The following PPP3CA variants were observed in gnomAD, a reference collection of about 807,000 sequenced individuals.
PPP3CA encodes protein phosphatase 3 catalytic subunit alpha.
A neutral mutation model predicts 66.5 loss-of-function variants in PPP3CA; 14 were observed. The ratio of observed to expected loss-of-function variants is 0.21; its 90% confidence interval spans 0.14 to 0.33. PPP3CA has a LOEUF of 0.33. Ranked by LOEUF, PPP3CA falls within the 10% of genes least tolerant of loss-of-function variation. The pLI, the probability that PPP3CA is intolerant of heterozygous loss-of-function variation, is 1.00. For missense variants in PPP3CA, 317 were observed against 639.5 expected, an observed-to-expected ratio of 0.50 and a Z score of 5.44; for synonymous variants, 232 against 226.2, an observed-to-expected ratio of 1.03 and a Z score of -0.23.
chr4:101,282,691 G>T (rs531476762), intron 1 of PPP3CA, among the ~76,000 whole-genome samples: 1 of 152,288 alleles, frequency 6.6e-6, no homozygotes, highest in African/African-American at 2.4e-5. Flanking sequence ...GCATGTGGCT[G>T]CTTAAACACC....
chr4:101,195,267 CA>C (rs11326830), intron 2 of PPP3CA, among the ~76,000 whole-genome samples: 58,174 of 127,898 alleles, frequency 0.45, 13,711 homozygotes, highest in Middle Eastern at 0.63. Flanking sequence ...AACTTCATCT[CA>C]AAAAAAAAAA....
intron 2 of PPP3CA, among the ~76,000 whole-genome samples, chr4:101,170,799 A>C (rs1258388580): frequency 6.6e-6 from 1 of 152,120 alleles, no homozygotes; most frequent in Non-Finnish European, 1.5e-5. Flanking sequence ...CAAATATCTT[A>C]AGCTTTCAAA....
chr4:101,203,383 T>C (rs1409599182), intron 1 of PPP3CA, among the ~76,000 whole-genome samples: 1 of 151,992 alleles, frequency 6.6e-6, no homozygotes, highest in Non-Finnish European at 1.5e-5. Context: ...CAGTCCCAGC[T>C]ACTCAGGAGG....
At chr4:101,046,100 G>T (rs1001948964) in intron 10 of PPP3CA, among the ~76,000 whole-genome samples, 70 of 152,090 alleles carry the variant, frequency 4.6e-4, no homozygotes, top group Non-Finnish European at 1.2e-4. Flanking sequence ...TGCTGAAAAA[G>T]GCAATGAAGA....
intron 1 of PPP3CA, among the ~76,000 whole-genome samples, chr4:101,275,005 A>G (rs1727445008): frequency 6.6e-6 from 1 of 152,222 alleles, no homozygotes; most frequent in Non-Finnish European, 1.5e-5. Context: ...AAGTTCAAAA[A>G]TGAAACTGAA....
chr4:101,315,854 C>G (rs572556651), intron 1 of PPP3CA, among the ~76,000 whole-genome samples: 2 of 152,166 alleles, frequency 1.3e-5, no homozygotes, highest in Non-Finnish European at 2.9e-5. Context: ...CTTCCTCACC[C>G]CCTTTTCTGC....
At chr4:101,240,413 T>C (rs1726267805) in intron 1 of PPP3CA, among the ~76,000 whole-genome samples, 1 of 152,098 alleles carries the variant, frequency 6.6e-6, no homozygotes, top group Non-Finnish European at 1.5e-5. Context: ...AGTGAGCTGC[T>C]AGAGTAATCA....
intron 1 of PPP3CA, among the ~76,000 whole-genome samples, chr4:101,310,106 G>A (rs369113875): frequency 6.6e-6 from 1 of 152,142 alleles, no homozygotes; most frequent in African/African-American, 2.4e-5. Context: ...TGATTGTTGT[G>A]TTTGTTAGTA....
chr4:101,278,529 T>G (rs1294328492), intron 1 of PPP3CA, among the ~76,000 whole-genome samples: 2 of 152,226 alleles, frequency 1.3e-5, no homozygotes, highest in Non-Finnish European at 2.9e-5. Context: ...CTGAGACTCT[T>G]GCTCTGCTAT....
chr4:101,303,099 T>C (rs1193414353), intron 1 of PPP3CA, among the ~76,000 whole-genome samples: 1 of 152,200 alleles, frequency 6.6e-6, no homozygotes, highest in Non-Finnish European at 1.5e-5. Context: ...TACGTCAAAA[T>C]GCGAGGGAAA....
chr4:101,300,084 C>G (rs928238056), intron 1 of PPP3CA, among the ~76,000 whole-genome samples: 1 of 152,164 alleles, frequency 6.6e-6, no homozygotes, highest in Admixed American at 6.5e-5. Flanking sequence ...AGTAAATAAG[C>G]AGATAACAGA....
At chr4:101,278,076 T>A (rs1235849596) in intron 1 of PPP3CA, among the ~76,000 whole-genome samples, 1 of 144,132 alleles carries the variant, frequency 6.9e-6, no homozygotes, top group Non-Finnish European at 1.5e-5. Flanking sequence ...GGCCACTTCT[T>A]AATTCTGGCA....
rs778273785 is a variant in PPP3CA, at chr4:101,099,699, C to T, written c.408G>A (p.Leu136=). 3 of 1,583,374 alleles carry T rather than the reference C, an allele frequency of 1.9e-6. No individual in the cohort carries two copies. The highest frequency in any genetic ancestry group is 2.6e-6 in the Non-Finnish European group (3 of 1,163,166). Residue 136 remains leucine, a synonymous_variant, in exon 4 of 14, where the codon TTG becomes TTA. Coordinates refer to ENST00000394854, the MANE Select transcript of PPP3CA (RefSeq NM_000944.5). Reference sequence around the variant, plus strand: ...ACAGTGTTTTGGGGTAGAGAATTTTCAAGGCCCACAAATACAGCACACACT... The same window carrying T: ...ACAGTGTTTTGGGGTAGAGAATTTTTAAGGCCCACAAATACAGCACACACT... ...SIECVLYLWA[L]KILYPKTLFL...
chr4:101,274,675 T>G lies in PPP3CA; in HGVS notation c.58+72064A>C, dbSNP rs181270587. Reference sequence around the variant, plus strand: ...AGCATGAAAGTCATGGATTACATATTTTTTTCATTTCTATAGGGAAAAAAT... The same window carrying G: ...AGCATGAAAGTCATGGATTACATATGTTTTTCATTTCTATAGGGAAAAAAT... On this transcript the variant is annotated intron_variant, in intron 1 of 13. Coordinates refer to ENST00000394854, the MANE Select transcript of PPP3CA (RefSeq NM_000944.5). Among the ~76,000 whole-genome samples, 133 of 152,320 alleles carry G rather than the reference T, an allele frequency of 8.7e-4. 1 individual carries two copies. The highest frequency in any genetic ancestry group is 3.1e-3 in the African/African-American group (127 of 41,580).
At chr4:101,206,883 C>G (rs1187163439) in intron 1 of PPP3CA, among the ~76,000 whole-genome samples, 1 of 152,156 alleles carries the variant, frequency 6.6e-6, no homozygotes, top group Non-Finnish European at 1.5e-5. Flanking sequence ...CAACAGAACA[C>G]TGAAACCTTC....
At chr4:101,276,067 A>G (rs377557200) in intron 1 of PPP3CA, among the ~76,000 whole-genome samples, 2 of 151,330 alleles carry the variant, frequency 1.3e-5, no homozygotes, top group African/African-American at 4.8e-5. Flanking sequence ...TAATTTTTCT[A>G]ATTTTTTTGT....
chr4:101,309,069 G>C (rs986326805), intron 1 of PPP3CA, among the ~76,000 whole-genome samples: 1 of 152,152 alleles, frequency 6.6e-6, no homozygotes, highest in East Asian at 1.9e-4. Context: ...TGAGGCTACA[G>C]TGAGCCATGA....
chr4:101,248,511 C>T (rs2850955), intron 1 of PPP3CA, among the ~76,000 whole-genome samples: 139,337 of 152,254 alleles, frequency 0.92, 63,946 homozygotes, highest in African/African-American at 0.97. Context: ...TCATCACTTT[C>T]ACTAATAGTA....
chr4:101,179,660 G>GA (rs1423978388), intron 2 of PPP3CA, among the ~76,000 whole-genome samples: 1 of 152,102 alleles, frequency 6.6e-6, no homozygotes, highest in Non-Finnish European at 1.5e-5. Flanking sequence ...AGAGCAACTG[G>GA]ACAATACTGA....
Sources: allele counts gnomAD v4.1 joint callset (sites outside exome capture counted in the v4.1 genomes callset), GRCh38; gene constraint gnomAD v4.1.1; transcripts MANE v1.5; gene names NCBI Gene and HGNC (gene_info 2026-07-23, HGNC 2026-07-21).